SMIM36: variants seen among roughly 807,000 people sequenced by gnomAD.
SMIM36 encodes the protein small integral membrane protein 36.
In SMIM36 at chr17:55,458,798, A is replaced by T. The variant is rs192135970; in HGVS notation, c.*531+8347T>A. ...CTGAGAGGCCCAACTGCAGGGGAAG[A>T]CTACCTCCCTTGTGGATCCTCCGTC... On this transcript the variant is annotated intron_variant, in intron 4 of 4. Transcript: ENST00000636752. 4.5e-4 allele frequency among the ~76,000 whole-genome samples: 69 copies of T among 152,170 alleles called. No homozygotes were observed. In the East Asian group the frequency reaches 8.9e-3, roughly 20 times the overall value.
At chr17:55,497,358 G>A (rs768855437) in intron 1 of SMIM36, among the ~76,000 whole-genome samples, 6 of 152,000 alleles carry the variant, frequency 3.9e-5, no homozygotes, top group South Asian at 2.1e-4. Flanking sequence ...TCTGCCTCCC[G>A]GGTTCAAGCG....
the SMIM36 span, among the ~76,000 whole-genome samples, chr17:55,531,189 C>T: frequency 3.9e-5 from 6 of 152,168 alleles, no homozygotes; most frequent in Non-Finnish European, 5.9e-5. Flanking sequence ...ACAACCCCAA[C>T]GCTGCCTGCC....
intron 1 of SMIM36, among the ~76,000 whole-genome samples, chr17:55,492,308 C>G (rs779220436): frequency 7.4e-6 from 1 of 136,018 alleles, no homozygotes; most frequent in African/African-American, 2.8e-5. Context: ...AATGGCGCGA[C>G]CTTGGCTCAC....
At chr17:55,464,752 C>G (rs866679216) in intron 4 of SMIM36, among the ~76,000 whole-genome samples, 10 of 152,238 alleles carry the variant, frequency 6.6e-5, no homozygotes, top group African/African-American at 2.4e-5. Context: ...CTCTCTCCAC[C>G]TGACAGTTAC....
chr17:55,474,339 C>G (rs1299288947), intron 3 of SMIM36, among the ~76,000 whole-genome samples: 1 of 152,152 alleles, frequency 6.6e-6, no homozygotes, highest in Non-Finnish European at 1.5e-5. Flanking sequence ...GGGACTACAG[C>G]CAGCTTGAGT....
chr17:55,486,530 C>T (rs1039969126), intron 1 of SMIM36, among the ~76,000 whole-genome samples: 1 of 152,192 alleles, frequency 6.6e-6, no homozygotes, highest in Non-Finnish European at 1.5e-5. Flanking sequence ...AATGAAGCTC[C>T]ACATGCCCAT....
chr17:55,525,989 AAAAC>A, the SMIM36 span, among the ~76,000 whole-genome samples: 45,756 of 151,730 alleles, frequency 0.3, 7,168 homozygotes, highest in East Asian at 0.49. Flanking sequence ...TTGATTTGGG[AAAAC>A]AAACAAAAAA....
At chr17:55,459,983 C>T (rs1049905668) in intron 4 of SMIM36, among the ~76,000 whole-genome samples, 1 of 151,958 alleles carries the variant, frequency 6.6e-6, no homozygotes, top group African/African-American at 2.4e-5. Context: ...CAGAGTGAGA[C>T]CCTGTTTCTC....
the SMIM36 span, among the ~76,000 whole-genome samples, chr17:55,526,369 G>A: frequency 1.3e-5 from 2 of 151,938 alleles, no homozygotes; most frequent in Admixed American, 1.3e-4. Context: ...ATGTTGGCCA[G>A]ACTGGTCTTG....
chr17:55,453,794 T>C (rs1305052711), intron 4 of SMIM36, among the ~76,000 whole-genome samples: 1 of 152,150 alleles, frequency 6.6e-6, no homozygotes, highest in Admixed American at 6.5e-5. Flanking sequence ...AAAATAGATA[T>C]TTAGAGTAGT....
the SMIM36 span, among the ~76,000 whole-genome samples, chr17:55,525,974 T>A: frequency 6.9e-6 from 1 of 145,456 alleles, no homozygotes; most frequent in Non-Finnish European, 1.5e-5. Flanking sequence ...TGTAATTGAT[T>A]TGTTTTGATT....
chr17:55,490,240 A>G (rs1166607436), intron 1 of SMIM36, among the ~76,000 whole-genome samples: 1 of 152,168 alleles, frequency 6.6e-6, no homozygotes, highest in Non-Finnish European at 1.5e-5. Context: ...GTAGGGTGGA[A>G]AAATCACTAG....
chr17:55,529,004 C>T, the SMIM36 span, among the ~76,000 whole-genome samples: 1 of 152,186 alleles, frequency 6.6e-6, no homozygotes, highest in Non-Finnish European at 1.5e-5. Context: ...CCACAAACTG[C>T]CTGTGTGACA....
At chr17:55,465,104 G>A (rs1238018859) in intron 4 of SMIM36, among the ~76,000 whole-genome samples, 6 of 152,220 alleles carry the variant, frequency 3.9e-5, no homozygotes, top group Non-Finnish European at 8.8e-5. Flanking sequence ...TGTGCTCTGT[G>A]TTGGGCAGAC....
intron 1 of SMIM36, among the ~76,000 whole-genome samples, chr17:55,483,162 G>A (rs1464677467): frequency 1.3e-5 from 2 of 152,182 alleles, no homozygotes; most frequent in Non-Finnish European, 2.9e-5. Context: ...GGGATTTTTT[G>A]TCAGCTCTGT....
At chr17:55,501,915 G>T (rs1046253891) in intron 1 of SMIM36, among the ~76,000 whole-genome samples, 2 of 145,646 alleles carry the variant, frequency 1.4e-5, no homozygotes, top group African/African-American at 2.6e-5. Flanking sequence ...CACCTGGGAA[G>T]CGCAAGGGGT....
At chr17:55,530,738 G>A in the SMIM36 span, among the ~76,000 whole-genome samples, 10 of 152,162 alleles carry the variant, frequency 6.6e-5, no homozygotes, top group East Asian at 3.9e-4. Flanking sequence ...AGCCGAGATC[G>A]TGCCACTGTA....
At chr17:55,470,383 G>A (rs1034399348) in intron 3 of SMIM36, among the ~76,000 whole-genome samples, 15 of 152,160 alleles carry the variant, frequency 9.9e-5, no homozygotes, top group Non-Finnish European at 2.1e-4. Flanking sequence ...CTCTTACAGT[G>A]GGAGGGTAAG....
chr17:55,517,389 G>GA, the SMIM36 span, among the ~76,000 whole-genome samples: 1 of 152,090 alleles, frequency 6.6e-6, no homozygotes, highest in African/African-American at 2.4e-5. Context: ...CATCTCTACT[G>GA]AAAATACAAA....
Sources: gnomAD v4.1 joint callset for allele counts (sites outside exome capture counted in the v4.1 genomes callset) on GRCh38, gnomAD v4.1.1 for gene constraint, MANE v1.5 for transcripts, NCBI Gene and HGNC (gene_info 2026-07-23, HGNC 2026-07-21) for gene names.